NAALADL2: variants seen among roughly 807,000 people sequenced by gnomAD.
NAALADL2 encodes N-acetylated alpha-linked acidic dipeptidase like 2, also known as inactive N-acetylated-alpha-linked acidic dipeptidase-like protein 2.
In NAALADL2, 76 loss-of-function variants were observed where a neutral mutation model predicts 87.2. The observed-to-expected ratio is 0.87, with a 90% CI of 0.72 to 1.05. The LOEUF (loss-of-function observed/expected upper bound fraction) is 1.05. Ranked by LOEUF, NAALADL2 falls within the 50% of genes least tolerant of loss-of-function variation. NAALADL2 has a pLI of 0.00. For missense variants in NAALADL2, 1,089 were observed against 945.8 expected, an observed-to-expected ratio of 1.15 and a Z score of -1.99; for synonymous variants, 354 against 331.0, an observed-to-expected ratio of 1.07 and a Z score of -0.75.
chr3:174,492,496 A>G (rs1718265781), intron 1 of NAALADL2, among the ~76,000 whole-genome samples: 1 of 151,852 alleles, frequency 6.6e-6, no homozygotes, highest in South Asian at 2.1e-4. Context: ...ATTTTGGAGT[A>G]GCATAAGATA....
intron 3 of NAALADL2, among the ~76,000 whole-genome samples, chr3:174,831,168 G>A (rs1175210831): frequency 2.0e-5 from 3 of 151,980 alleles, no homozygotes; most frequent in Non-Finnish European, 4.4e-5. Flanking sequence ...GTGAGAGAGG[G>A]CATCCTTGTC....
chr3:175,530,552 G>A (rs1054782731), intron 9 of NAALADL2, among the ~76,000 whole-genome samples: 2 of 152,108 alleles, frequency 1.3e-5, no homozygotes, highest in Non-Finnish European at 2.9e-5. Context: ...GTCCACTTTT[G>A]GATGGTGCCT....
intron 2 of NAALADL2, among the ~76,000 whole-genome samples, chr3:175,136,467 T>C (rs1729130216): frequency 6.6e-6 from 1 of 152,150 alleles, no homozygotes; most frequent in Non-Finnish European, 1.5e-5. Flanking sequence ...AGGTAGCAGG[T>C]AAGTTGTCCC....
At chr3:174,571,590 G>A (rs1464859818) in intron 2 of NAALADL2, among the ~76,000 whole-genome samples, 1 of 152,098 alleles carries the variant, frequency 6.6e-6, no homozygotes, top group Non-Finnish European at 1.5e-5. Flanking sequence ...TGTTGGTCAG[G>A]CTGGTCTCGA....
intron 3 of NAALADL2, among the ~76,000 whole-genome samples, chr3:174,785,752 A>C (rs2109170159): frequency 6.6e-6 from 1 of 152,220 alleles, no homozygotes; most frequent in African/African-American, 2.4e-5. Context: ...ATATTTATTT[A>C]TTTTGTCTTA....
chr3:175,769,467 G>T (rs1400939668), intron 13 of NAALADL2, among the ~76,000 whole-genome samples: 1 of 152,130 alleles, frequency 6.6e-6, no homozygotes, highest in Non-Finnish European at 1.5e-5. Flanking sequence ...CCATAGAGAG[G>T]GGTTAAGCAT....
chr3:174,751,228 A>T (rs1350852570), intron 3 of NAALADL2, among the ~76,000 whole-genome samples: 3 of 152,264 alleles, frequency 2.0e-5, no homozygotes, highest in Middle Eastern at 6.8e-3. Flanking sequence ...CATATGAAGG[A>T]AATTCTCATC....
intron 9 of NAALADL2, among the ~76,000 whole-genome samples, chr3:175,555,684 T>TAC (rs1287414179): frequency 1.4e-4 from 21 of 152,174 alleles, no homozygotes; most frequent in African/African-American, 4.6e-4. Context: ...AATATATATA[T>TAC]ACACACACTA....
chr3:174,691,751 G>GT (rs1728604142), intron 2 of NAALADL2, among the ~76,000 whole-genome samples: 2 of 152,142 alleles, frequency 1.3e-5, no homozygotes, highest in South Asian at 2.1e-4. Context: ...GCTTTAAAAA[G>GT]TAAGTTTATG....
intron 2 of NAALADL2, among the ~76,000 whole-genome samples, chr3:174,604,414 A>G (rs1162071708): frequency 1.3e-5 from 2 of 152,064 alleles, no homozygotes; most frequent in Non-Finnish European, 2.9e-5. Context: ...TTGGAATGGA[A>G]TATCTTTTTC....
intron 5 of NAALADL2, among the ~76,000 whole-genome samples, chr3:175,378,992 T>A (rs1560460990): frequency 6.6e-6 from 1 of 152,164 alleles, no homozygotes; most frequent in African/African-American, 2.4e-5. Flanking sequence ...AGATTTTTAT[T>A]GGTTGCATAT....
At chr3:175,175,818 A>T (rs1321945862) in intron 2 of NAALADL2, among the ~76,000 whole-genome samples, 1 of 152,154 alleles carries the variant, frequency 6.6e-6, no homozygotes, top group Non-Finnish European at 1.5e-5. Context: ...CTTAATATTC[A>T]GATGTCATAA....
chr3:174,669,775 A>T (rs1433867171), intron 2 of NAALADL2, among the ~76,000 whole-genome samples: 1 of 152,032 alleles, frequency 6.6e-6, no homozygotes, highest in African/African-American at 2.4e-5. Context: ...TTTGCAAAAA[A>T]TGCCATTGTG....
chr3:175,779,497 A>G (rs544203248), intron 13 of NAALADL2, among the ~76,000 whole-genome samples: 4 of 151,920 alleles, frequency 2.6e-5, no homozygotes, highest in Admixed American at 2.0e-4. Context: ...TCCTACCTCA[A>G]TAGGGCAAAA....
At chr3:175,179,161 C>A (rs113175559) in intron 2 of NAALADL2, among the ~76,000 whole-genome samples, 101 of 152,144 alleles carry the variant, frequency 6.6e-4, no homozygotes, top group African/African-American at 2.3e-3. Flanking sequence ...ACAAAATATA[C>A]TTCCATTGAT....
intron 11 of NAALADL2, among the ~76,000 whole-genome samples, chr3:175,667,164 AG>A (rs1489541301): frequency 7.2e-6 from 1 of 138,512 alleles, no homozygotes; most frequent in African/African-American, 2.9e-5. Flanking sequence ...AGAAAGAAAA[AG>A]AAAGAAAGAA....
intron 1 of NAALADL2, among the ~76,000 whole-genome samples, chr3:174,963,334 T>TA (rs908877145): frequency 7.9e-5 from 12 of 152,072 alleles, no homozygotes; most frequent in Admixed American, 2.0e-4. Context: ...TGTGGTTATT[T>TA]AAAAAAAATA....
rs1295155705 is a variant in NAALADL2, at chr3:174,770,240, TA to T, written c.-9+32495del. On this transcript the variant is annotated intron_variant, in intron 3 of 3. Coordinates refer to the NAALADL2 transcript ENST00000434257. ...GGAATAAAAACTTGATATTAGACTT[TA>T]TCTGCACTCATGGTGCCTGTCAATT... is the stretch of plus-strand genomic sequence containing the variant. 4.6e-5 allele frequency among the ~76,000 whole-genome samples: 7 copies of T among 152,310 alleles called. No individual in the cohort carries two copies. The South Asian group carries it at 1.2e-3, about 27-fold the overall frequency.
chr3:175,022,729 G>A (rs1466247752), intron 1 of NAALADL2, among the ~76,000 whole-genome samples: 1 of 152,098 alleles, frequency 6.6e-6, no homozygotes, highest in Non-Finnish European at 1.5e-5. Flanking sequence ...TGGTTTGGCT[G>A]AGAGAGATTG....
Sources: gnomAD v4.1 joint callset for allele counts (sites outside exome capture counted in the v4.1 genomes callset) on GRCh38, gnomAD v4.1.1 for gene constraint, MANE v1.5 for transcripts, NCBI Gene and HGNC (gene_info 2026-07-23, HGNC 2026-07-21) for gene names.